Variants in DYNC1LI1 observed in about 807,000 individuals in gnomAD.
DYNC1LI1 encodes dynein cytoplasmic 1 light intermediate chain 1, also known as cytoplasmic dynein 1 light intermediate chain 1.
DYNC1LI1 carries 19 observed loss-of-function variants against 63.8 expected under a neutral mutation model. The observed-to-expected ratio is 0.30, with a 90% confidence interval of 0.21 to 0.44. The LOEUF is 0.44. Among genes scored for constraint, DYNC1LI1 ranks in the 20% least tolerant of loss-of-function variants. The pLI is 1.00. For missense variants in DYNC1LI1, 565 were observed against 630.2 expected (o/e 0.90, Z 1.11); for synonymous variants, 225 against 232.3 (o/e 0.97, Z 0.28).
intron 2 of DYNC1LI1, among the ~76,000 whole-genome samples, chr3:32,563,020 A>G (rs1280497547): frequency 6.6e-6 from 1 of 152,122 alleles, no homozygotes; most frequent in Non-Finnish European, 1.5e-5. Context: ...CCTATTTAGC[A>G]ATTATTTCAT....
intron 8 of DYNC1LI1, chr3:32,532,224 G>C (rs1697707346): frequency 6.6e-6 from 1 of 152,048 alleles, no homozygotes; most frequent in African/African-American, 2.4e-5. Flanking sequence ...CCAGCACTTT[G>C]GGAGGCCGAG....
intron 8 of DYNC1LI1, 121 bp from the exon 9 acceptor site, chr3:32,530,641 T>C: frequency 2.3e-6 from 2 of 869,074 alleles, no homozygotes; most frequent in East Asian, 2.6e-5. Flanking sequence ...ACCTATACTA[T>C]ATTTATATTC....
intron 2 of DYNC1LI1, among the ~76,000 whole-genome samples, chr3:32,561,589 A>G (rs1432455683): frequency 6.6e-6 from 1 of 152,048 alleles, no homozygotes; most frequent in Admixed American, 6.6e-5. Context: ...AGATGGCACC[A>G]CTGCACTCCA....
intron 2 of DYNC1LI1, among the ~76,000 whole-genome samples, chr3:32,569,362 AT>A (rs1011465430): frequency 6.6e-6 from 1 of 152,170 alleles, no homozygotes; most frequent in Non-Finnish European, 1.5e-5. Flanking sequence ...TAAAAAAGTA[AT>A]TTTTTCTATG....
intron 2 of DYNC1LI1, among the ~76,000 whole-genome samples, chr3:32,567,641 T>C (rs149889696): frequency 6.6e-6 from 1 of 151,120 alleles, no homozygotes; most frequent in African/African-American, 2.4e-5. Flanking sequence ...AGGGCTCAAG[T>C]TGTCCCTCCA....
Position 32,557,748 on chromosome 3 carries a change from G to A in DYNC1LI1, c.221-11783C>T, listed in dbSNP as rs796870729. 3.8e-4 allele frequency among the ~76,000 whole-genome samples: 58 copies of A among 152,116 alleles called. 1 individual carries two copies. The highest frequency in any genetic ancestry group is 1.2e-3 in the African/African-American group (49 of 41,502). ...CCAATACAGAAAAGGGGTTTCCAAC[G>A]ATACTTGAAATAATCCAGCTACCTA... is the stretch of plus-strand genomic sequence containing the variant. On this transcript the variant is annotated intron_variant, in intron 2 of 12. Coordinates refer to ENST00000273130, the MANE Select transcript of DYNC1LI1 (RefSeq NM_016141.4).
Position 32,545,726 on chromosome 3 carries a change from G to A in DYNC1LI1, c.337+123C>T, listed in dbSNP as rs148108917. Reference sequence around the variant, plus strand: ...GTATGGCTAAACATAGCTATTTCTTGACCAGCATGACATCACAGAACTTCT... The same window carrying A: ...GTATGGCTAAACATAGCTATTTCTTAACCAGCATGACATCACAGAACTTCT... On this transcript the variant is annotated intron_variant, in intron 3 of 12. Transcript: ENST00000273130. The A allele has an allele frequency of 1.3e-3, 989 of 741,654 alleles. 10 individuals carry two copies. The African/African-American group carries it at 0.015, about 11-fold the overall frequency. The allele number at this position is 741,654 out of a possible 1,614,324, so 45.9% of individuals were successfully genotyped here. A position where few individuals can be genotyped will look rare whatever the true frequency, so the allele number is the denominator to read the frequency against.
intron 2 of DYNC1LI1, among the ~76,000 whole-genome samples, chr3:32,547,547 G>A (rs780717303): frequency 2.6e-5 from 4 of 152,180 alleles, no homozygotes; most frequent in African/African-American, 4.8e-5. Context: ...CTGCAATGGT[G>A]TTTATAATCC....
intron 2 of DYNC1LI1, among the ~76,000 whole-genome samples, chr3:32,557,957 A>G (rs1698137844): frequency 6.6e-6 from 1 of 152,232 alleles, no homozygotes; most frequent in Non-Finnish European, 1.5e-5. Flanking sequence ...TATTTTCTGA[A>G]TATTTTATCT....
At chr3:32,537,962 A>AT (rs1453538577) in intron 5 of DYNC1LI1, among the ~76,000 whole-genome samples, 2 of 2,834 alleles carry the variant, frequency 7.1e-4, no homozygotes, top group Non-Finnish European at 1.3e-3. Context: ...TATATATATA[A>AT]TATATATATA....
intron 2 of DYNC1LI1, among the ~76,000 whole-genome samples, chr3:32,548,161 CG>C (rs1435494563): frequency 3.9e-5 from 6 of 151,924 alleles, no homozygotes; most frequent in Non-Finnish European, 7.4e-5. Flanking sequence ...GGCTGTGGAC[CG>C]GTACCAGTCT....
chr3:32,550,323 C>T (rs935416554), intron 2 of DYNC1LI1, among the ~76,000 whole-genome samples: 21 of 152,026 alleles, frequency 1.4e-4, no homozygotes, highest in African/African-American at 5.1e-4. Flanking sequence ...CCCAGTTACT[C>T]GGGAGGCTGA....
At chr3:32,530,060 G>T (rs528199788) in intron 10 of DYNC1LI1, among the ~76,000 whole-genome samples, 5 of 152,114 alleles carry the variant, frequency 3.3e-5, no homozygotes, top group African/African-American at 1.2e-4. Flanking sequence ...TCATAAGGCG[G>T]TTGTGAGAAT....
intron 8 of DYNC1LI1, chr3:32,530,747 G>A: frequency 2.2e-6 from 1 of 458,054 alleles, no homozygotes; most frequent in Non-Finnish European, 3.9e-6. Flanking sequence ...GTTCAATATG[G>A]CAGTCACTAG....
rs541842535 is a variant in DYNC1LI1 at position 32,563,297 on chromosome 3, T to C, written c.220+7049A>G. Reference sequence around the variant, plus strand: ...TAGTCCATGGTCACTTACTTTTTTTTTTTTTTTTTTTGAGATGGAGTCTTG... The same window carrying C: ...TAGTCCATGGTCACTTACTTTTTTTCTTTTTTTTTTTGAGATGGAGTCTTG... On this transcript the variant is annotated intron_variant, in intron 2 of 12. Transcript: ENST00000273130. 6.6e-5 allele frequency among the ~76,000 whole-genome samples: 10 copies of C among 151,102 alleles called. No individual in the cohort carries two copies. In the East Asian group the frequency reaches 1.9e-3, roughly 29 times the overall value.
chr3:32,551,786 C>G (rs1419968113), intron 2 of DYNC1LI1, among the ~76,000 whole-genome samples: 1 of 152,166 alleles, frequency 6.6e-6, no homozygotes, highest in African/African-American at 2.4e-5. Context: ...TTACCAGCTG[C>G]CTCTGAAGTG....
intron 5 of DYNC1LI1, among the ~76,000 whole-genome samples, chr3:32,538,879 A>C (rs1248668731): frequency 6.6e-6 from 1 of 152,070 alleles, no homozygotes; most frequent in Non-Finnish European, 1.5e-5. Context: ...ATACCCCTAT[A>C]CATTTTAAAA....
intron 2 of DYNC1LI1, among the ~76,000 whole-genome samples, chr3:32,563,290 T>C (rs936690365): frequency 1.8e-5 from 2 of 112,996 alleles, no homozygotes; most frequent in Non-Finnish European, 3.8e-5. Context: ...GGTCACTTAC[T>C]TTTTTTTTTT....
intron 2 of DYNC1LI1, among the ~76,000 whole-genome samples, chr3:32,560,690 G>A (rs563475560): frequency 6.6e-6 from 1 of 151,944 alleles, no homozygotes; most frequent in South Asian, 2.1e-4. Context: ...CCCACGGGCT[G>A]TCTAGATATG....
Sources: allele counts gnomAD v4.1 joint callset (sites outside exome capture counted in the v4.1 genomes callset), GRCh38; gene constraint gnomAD v4.1.1; transcripts MANE v1.5; gene names NCBI Gene and HGNC (gene_info 2026-07-23, HGNC 2026-07-21).